Variants in KCNA6 observed in about 807,000 individuals in gnomAD.
KCNA6 encodes the protein potassium voltage-gated channel subfamily A member 6, also known as human brain potassium channel-2.
Under a neutral mutation model 29.5 loss-of-function variants are expected in KCNA6, and 17 were observed. The ratio of observed to expected loss-of-function variants is 0.58; its 90% CI spans 0.39 to 0.86. The LOEUF is 0.86. Ranked by LOEUF, KCNA6 falls within the 40% of genes least tolerant of loss-of-function variation. The pLI is 0.00. For missense variants in KCNA6, 450 were observed against 703.4 expected, an observed-to-expected ratio of 0.64 and a Z score of 4.07; for synonymous variants, 296 against 304.7, an observed-to-expected ratio of 0.97 and a Z score of 0.30.
At chr12:4,833,539 A>G in the KCNA6 span, among the ~76,000 whole-genome samples, 2 of 152,360 alleles carry the variant, frequency 1.3e-5, no homozygotes, top group African/African-American at 4.8e-5. Context: ...AGGAGCTTCA[A>G]GGTCACATTG....
At chr12:4,833,167 C>T in the KCNA6 span, among the ~76,000 whole-genome samples, 6 of 152,126 alleles carry the variant, frequency 3.9e-5, no homozygotes, top group African/African-American at 1.4e-4. Context: ...ACATAGCTAA[C>T]CAATTAAAAA....
the KCNA6 span, among the ~76,000 whole-genome samples, chr12:4,844,152 A>G: frequency 3.3e-5 from 5 of 152,258 alleles, no homozygotes; most frequent in Admixed American, 3.3e-4. The surrounding 1 kb of genome is among the most constrained non-coding windows in gnomAD (Gnocchi z 4.0). Flanking sequence ...ACTATGTGCC[A>G]GTCACTCTGT....
downstream of KCNA6, chr12:4,814,687 C>T (rs1946665197): frequency 6.0e-6 from 1 of 167,064 alleles, no homozygotes; most frequent in South Asian, 2.1e-4. The surrounding 1 kb of genome is among the most constrained non-coding windows in gnomAD (Gnocchi z 4.6). Flanking sequence ...GGAAAGAGCT[C>T]CCAGAGGACT....
the KCNA6 span, among the ~76,000 whole-genome samples, chr12:4,829,840 T>G: frequency 6.6e-6 from 1 of 152,200 alleles, no homozygotes; most frequent in Non-Finnish European, 1.5e-5. Context: ...CCATTGAACA[T>G]CGTAACAATT....
the KCNA6 span, among the ~76,000 whole-genome samples, chr12:4,819,088 G>A: frequency 6.6e-6 from 1 of 152,220 alleles, no homozygotes; most frequent in African/African-American, 2.4e-5. Flanking sequence ...GCACATACAT[G>A]CATGCTTATA....
chr12:4,850,779 T>C, the KCNA6 span: 1 of 454,056 alleles, frequency 2.2e-6, no homozygotes, highest in African/African-American at 2.0e-5. This position sits in a 1 kb window ranked among gnomAD's most constrained non-coding sequence, Gnocchi z 5.4. Context: ...CATCTATGCA[T>C]AGAATTCTGA....
the KCNA6 span, among the ~76,000 whole-genome samples, chr12:4,849,268 G>C: frequency 1.3e-5 from 2 of 152,070 alleles, no homozygotes; most frequent in South Asian, 4.1e-4. Flanking sequence ...TGAGTCTAAT[G>C]ACCCGTAGCG....
At chr12:4,841,733 A>G in the KCNA6 span, among the ~76,000 whole-genome samples, 2 of 152,204 alleles carry the variant, frequency 1.3e-5, no homozygotes, top group African/African-American at 4.8e-5. Flanking sequence ...TAAATTTTAT[A>G]TCTAAAAATG....
downstream of KCNA6, chr12:4,813,425 C>G (rs1331910005): frequency 3.6e-5 from 6 of 167,014 alleles, no homozygotes; most frequent in Non-Finnish European, 8.8e-5. Flanking sequence ...ATCCCCATAC[C>G]CCCATAGGCA....
At chr12:4,847,846 G>A in the KCNA6 span, among the ~76,000 whole-genome samples, 2 of 152,200 alleles carry the variant, frequency 1.3e-5, no homozygotes, top group South Asian at 2.1e-4. Context: ...ACTGCAGAGT[G>A]ATGAAGCTGG....
chr12:4,817,256 C>T (rs1304282716), downstream of KCNA6, among the ~76,000 whole-genome samples: 3 of 152,206 alleles, frequency 2.0e-5, no homozygotes, highest in African/African-American at 7.2e-5. Flanking sequence ...TTGGGTTGCA[C>T]AGATAGCTCA....
chr12:4,817,511 C>A (rs371618807), downstream of KCNA6, among the ~76,000 whole-genome samples: 19 of 152,294 alleles, frequency 1.2e-4, no homozygotes, highest in African/African-American at 4.1e-4. Flanking sequence ...TGGTCCTCAT[C>A]CCCTGGCTTC....
At chr12:4,825,655 G>A in the KCNA6 span, among the ~76,000 whole-genome samples, 2 of 152,196 alleles carry the variant, frequency 1.3e-5, no homozygotes, top group Non-Finnish European at 2.9e-5. Flanking sequence ...GTTCAGAAAC[G>A]GAAGTGGTTT....
the KCNA6 span, among the ~76,000 whole-genome samples, chr12:4,827,485 TGCGAACCAGTATTCCCTGGGTCTCAG>T: frequency 1.3e-5 from 2 of 152,180 alleles, no homozygotes; most frequent in Non-Finnish European, 2.9e-5. Context: ...CCAGCAGGGA[TGCGAACCAGTATTCCCTGGGTCTCAG>T]ATTCCACACT....
the KCNA6 span, among the ~76,000 whole-genome samples, chr12:4,840,991 A>G: frequency 6.6e-6 from 1 of 152,242 alleles, no homozygotes; most frequent in Non-Finnish European, 1.5e-5. Context: ...AAGGAACTTT[A>G]AAGAATATTT....
chr12:4,847,197 C>T, the KCNA6 span, among the ~76,000 whole-genome samples: 1 of 152,110 alleles, frequency 6.6e-6, no homozygotes, highest in Admixed American at 6.5e-5. Context: ...CTTCTAGTTT[C>T]TAATGATGCT....
the KCNA6 span, among the ~76,000 whole-genome samples, chr12:4,819,832 C>T: frequency 4.6e-4 from 70 of 152,306 alleles, no homozygotes; most frequent in African/African-American, 1.5e-3. Flanking sequence ...TTAACCTCAC[C>T]GAGCTTCAGT....
the KCNA6 span, chr12:4,850,754 T>C: frequency 6.7e-6 from 3 of 446,818 alleles, no homozygotes; most frequent in East Asian, 7.0e-5. The surrounding 1 kb of genome is among the most constrained non-coding windows in gnomAD (Gnocchi z 5.4). Flanking sequence ...TGCTGGCAGG[T>C]GGTGCAAGCA....
At chr12:4,831,897 T>A in the KCNA6 span, among the ~76,000 whole-genome samples, 5 of 152,228 alleles carry the variant, frequency 3.3e-5, no homozygotes, top group Non-Finnish European at 7.3e-5. Context: ...ACATTTCTCA[T>A]ACACCTTGTG....
Sources: gnomAD v4.1 joint callset for allele counts (sites outside exome capture counted in the v4.1 genomes callset) on GRCh38, gnomAD v4.1.1 for gene constraint, Gnocchi (gnomAD v3.1) non-coding constraint, MANE v1.5 for transcripts, NCBI Gene and HGNC (gene_info 2026-07-23, HGNC 2026-07-21) for gene names.